Variants in UXS1 observed in about 807,000 individuals in gnomAD.
UXS1 encodes UDP-glucuronic acid decarboxylase 1.
UXS1 carries 33 observed loss-of-function variants against 62.6 expected under a neutral mutation model. That is an observed-to-expected ratio of 0.53 (90% confidence interval 0.40 to 0.70). The LOEUF (loss-of-function observed/expected upper bound fraction) is 0.70, where lower values mean the gene tolerates loss of function less well. UXS1 is among the 30% of genes least tolerant of loss of function. The pLI is 0.00. For synonymous variants in UXS1, 213 were observed against 206.8 expected, an observed-to-expected ratio of 1.03 and a Z score of -0.26; for missense variants, 434 against 556.3, an observed-to-expected ratio of 0.78 and a Z score of 2.21.
At chr2:106,101,274 A>C in intron 11 of UXS1, 156 bp from the exon 12 acceptor site, 1 of 699,632 alleles carries the variant, frequency 1.4e-6, no homozygotes, top group Admixed American at 3.1e-5. Context: ...CCTACAAACT[A>C]AGATGGTGTT....
intron 9 of UXS1, among the ~76,000 whole-genome samples, chr2:106,116,725 G>C (rs909505583): frequency 1.3e-5 from 2 of 152,188 alleles, no homozygotes; most frequent in Non-Finnish European, 2.9e-5. Context: ...AGTGGCTTGA[G>C]CCTGTGTGAC....
At chr2:106,152,639 T>C (rs988361540) in intron 5 of UXS1, among the ~76,000 whole-genome samples, 7 of 150,876 alleles carry the variant, frequency 4.6e-5, no homozygotes, top group African/African-American at 1.7e-4. Context: ...AAATATAAAA[T>C]TAAGTAAGAA....
intron 6 of UXS1, among the ~76,000 whole-genome samples, chr2:106,142,550 G>T (rs1558718151): frequency 6.6e-6 from 1 of 152,116 alleles, no homozygotes; most frequent in Non-Finnish European, 1.5e-5. Context: ...ATTCTTTCAG[G>T]TTGGCTGAGG....
chr2:106,130,427 T>C (rs1481256773), intron 6 of UXS1, among the ~76,000 whole-genome samples: 2 of 151,970 alleles, frequency 1.3e-5, no homozygotes, highest in Admixed American at 6.6e-5. Flanking sequence ...GGGACCAACC[T>C]CTCCCTGTGG....
rs1683052675 is a variant in UXS1, at chr2:106,163,822, A to G, written c.187-112T>C. The G allele has an allele frequency of 5.4e-6, 3 of 558,932 alleles. No homozygotes were observed. In the South Asian group the frequency reaches 1.3e-4, roughly 24 times the overall value. 34.6% of individuals were successfully genotyped at this position (558,932 alleles called of 1,614,324 possible). A position where few individuals can be genotyped will look rare whatever the true frequency, so the allele number is the denominator to read the frequency against. Reference sequence around the variant, plus strand: ...AAAACAGGTTTTAATTTCTTCTACAAATTAACTTCCAGTTTGAAATTAAGA... The same window carrying G: ...AAAACAGGTTTTAATTTCTTCTACAGATTAACTTCCAGTTTGAAATTAAGA... On this transcript the variant is annotated intron_variant, in intron 3 of 14. Transcript: ENST00000283148.
chr2:106,172,077 G>C (rs1054672255), intron 1 of UXS1, among the ~76,000 whole-genome samples: 1 of 152,216 alleles, frequency 6.6e-6, no homozygotes, highest in South Asian at 2.1e-4. Flanking sequence ...CAGCGCTTGC[G>C]GATGCACAAG....
chr2:106,103,715 T>A (rs1302189474), intron 11 of UXS1, among the ~76,000 whole-genome samples: 1 of 152,218 alleles, frequency 6.6e-6, no homozygotes. Context: ...AGGCAAGATA[T>A]TAATGGGTGG....
chr2:106,165,972 C>A (rs2105063985), intron 2 of UXS1, 84 bp downstream of exon 2: 3 of 1,309,082 alleles, frequency 2.3e-6, no homozygotes, highest in Non-Finnish European at 3.2e-6. Context: ...TTCAATTAAC[C>A]CATGACATCC....
chr2:106,103,333 C>A (rs1018362056), intron 11 of UXS1, among the ~76,000 whole-genome samples: 52 of 152,322 alleles, frequency 3.4e-4, no homozygotes, highest in South Asian at 2.7e-3. Context: ...CATTGATATT[C>A]CATGTGGTGT....
intron 10 of UXS1, among the ~76,000 whole-genome samples, chr2:106,110,563 G>C (rs540984276): frequency 3.8e-4 from 58 of 152,324 alleles, no homozygotes; most frequent in African/African-American, 1.4e-3. Flanking sequence ...GGGGTTCGCA[G>C]GTCACGGCAC....
At chr2:106,142,626 G>A (rs1681206019) in intron 6 of UXS1, among the ~76,000 whole-genome samples, 1 of 152,186 alleles carries the variant, frequency 6.6e-6, no homozygotes, top group Non-Finnish European at 1.5e-5. Flanking sequence ...AAAGGAAGGT[G>A]CATTCTGGCA....
intron 10 of UXS1, among the ~76,000 whole-genome samples, chr2:106,108,121 T>TA (rs1043988850): frequency 2.0e-5 from 3 of 152,216 alleles, no homozygotes; most frequent in Admixed American, 1.3e-4. Flanking sequence ...CTCATGTCCT[T>TA]AAGAGTCCTG....
chr2:106,154,453 C>T (rs1682273492), intron 5 of UXS1, among the ~76,000 whole-genome samples: 1 of 152,220 alleles, frequency 6.6e-6, no homozygotes, highest in South Asian at 2.1e-4. Flanking sequence ...GGACTTTAAT[C>T]CAATACTAAA....
chr2:106,193,807 G>T (rs1182110332), intron 1 of UXS1, among the ~76,000 whole-genome samples: 1 of 151,404 alleles, frequency 6.6e-6, no homozygotes, highest in Admixed American at 6.6e-5. Flanking sequence ...GTCCCCGACC[G>T]GGACCCTCGC....
At chr2:106,122,893 T>A in intron 9 of UXS1, 77 bp downstream of exon 9, 2 of 1,553,068 alleles carry the variant, frequency 1.3e-6, no homozygotes, top group Non-Finnish European at 1.7e-6. Flanking sequence ...ATGGCATTCA[T>A]TCCTTTACAA....
chr2:106,137,616 C>T (rs1680763451), intron 6 of UXS1, among the ~76,000 whole-genome samples: 1 of 151,302 alleles, frequency 6.6e-6, no homozygotes, highest in South Asian at 2.1e-4. Flanking sequence ...TGGTGAAACC[C>T]GTCTCTACTA....
chr2:106,110,560 G>A (rs746316937), intron 10 of UXS1, among the ~76,000 whole-genome samples: 15 of 152,196 alleles, frequency 9.9e-5, no homozygotes, highest in African/African-American at 2.4e-4. Flanking sequence ...TAAGGGGTTC[G>A]CAGGTCACGG....
chr2:106,161,973 T>A (rs1682926873), intron 4 of UXS1, among the ~76,000 whole-genome samples: 1 of 152,238 alleles, frequency 6.6e-6, no homozygotes, highest in Admixed American at 6.5e-5. Context: ...GTTACATTCT[T>A]ATCTTGTCAG....
intron 9 of UXS1, among the ~76,000 whole-genome samples, chr2:106,114,194 A>G (rs904351580): frequency 6.6e-6 from 1 of 152,170 alleles, no homozygotes; most frequent in African/African-American, 2.4e-5. Context: ...GCGGGTTTTT[A>G]AGTGTGCTGT....
Sources: gnomAD v4.1 joint callset for allele counts (sites outside exome capture counted in the v4.1 genomes callset) on GRCh38, gnomAD v4.1.1 for gene constraint, MANE v1.5 for transcripts, NCBI Gene and HGNC (gene_info 2026-07-23, HGNC 2026-07-21) for gene names.